The following STXBP5L variants were observed in gnomAD, a reference collection of about 807,000 sequenced individuals.
STXBP5L encodes the protein syntaxin binding protein 5L, also known as syntaxin-binding protein 5-like.
A neutral mutation model predicts 144.5 loss-of-function variants in STXBP5L; 65 were observed. The observed-to-expected ratio is 0.45, with a 90% CI of 0.37 to 0.55. The LOEUF is 0.55. Ranked by LOEUF, STXBP5L falls within the 20% of genes least tolerant of loss-of-function variation. The pLI, the probability that STXBP5L is intolerant of heterozygous loss-of-function variation, is 0.00. For synonymous variants in STXBP5L, 505 were observed against 469.6 expected, an observed-to-expected ratio of 1.08 and a Z score of -0.97; for missense variants, 1,298 against 1,405.5, an observed-to-expected ratio of 0.92 and a Z score of 1.22.
At chr3:121,140,636 CAGAA>C (rs2045457534) in intron 7 of STXBP5L, among the ~76,000 whole-genome samples, 3 of 152,036 alleles carry the variant, frequency 2.0e-5, no homozygotes, top group South Asian at 2.1e-4. Flanking sequence ...AAGCCAGAAA[CAGAA>C]AGACAAATTC....
chr3:121,041,179 C>T (rs909710204), intron 3 of STXBP5L, among the ~76,000 whole-genome samples: 21 of 150,184 alleles, frequency 1.4e-4, no homozygotes, highest in African/African-American at 5.1e-4. Context: ...CGTTTTTTTA[C>T]CTTATCATGT....
chr3:121,387,717 T>C (rs1044665090), intron 22 of STXBP5L, among the ~76,000 whole-genome samples: 6 of 152,190 alleles, frequency 3.9e-5, no homozygotes, highest in African/African-American at 1.2e-4. Flanking sequence ...ATGGTGTAGA[T>C]GTGTGATGTT....
rs10717806 is a variant in STXBP5L, at chr3:121,194,909, C to CTTTTTTTTT, written c.878-10997_878-10989dup. Among the ~76,000 whole-genome samples the CTTTTTTTTT allele has an allele frequency of 5.0e-4, 34 of 68,490 alleles. 1 individual carries two copies. The highest frequency in any genetic ancestry group is 6.9e-4 in the Admixed American group (3 of 4,348). The allele number at this position is 68,490 out of a possible 152,430, so 44.9% of individuals were successfully genotyped here. A position where few individuals can be genotyped will look rare whatever the true frequency, so the allele number is the denominator to read the frequency against. ...TCTGAGATAGGTCCCTCTTTTCACT[C>CTTTTTTTTT]TTTTTTTTTTTTTTTTTTTTTTTTT... is the stretch of plus-strand genomic sequence containing the variant. On this transcript the variant is annotated intron_variant, in intron 9 of 26. Coordinates refer to ENST00000471454, the MANE Select transcript of STXBP5L (RefSeq NM_001308330.2).
chr3:120,972,315 T>C (rs1940364992), intron 3 of STXBP5L, among the ~76,000 whole-genome samples: 1 of 152,144 alleles, frequency 6.6e-6, no homozygotes, highest in Admixed American at 6.6e-5. Flanking sequence ...TTTCTAGATA[T>C]ACATTTTTCT....
chr3:121,127,545 T>A (rs1375656905), intron 7 of STXBP5L, among the ~76,000 whole-genome samples: 1 of 151,710 alleles, frequency 6.6e-6, no homozygotes, highest in Non-Finnish European at 1.5e-5. Flanking sequence ...ATCTTCTCTA[T>A]GTCTTCTCCT....
intron 10 of STXBP5L, among the ~76,000 whole-genome samples, chr3:121,222,101 T>TA (rs1453708114): frequency 6.6e-6 from 1 of 152,040 alleles, no homozygotes; most frequent in Admixed American, 6.6e-5. Flanking sequence ...TCTAGGTCTT[T>TA]AAAAAAATTA....
chr3:121,036,083 A>G (rs1201564347), intron 3 of STXBP5L, among the ~76,000 whole-genome samples: 1 of 152,138 alleles, frequency 6.6e-6, no homozygotes, highest in Non-Finnish European at 1.5e-5. Context: ...ACTGTAATCC[A>G]GCACTTTGGG....
At chr3:121,195,673 A>C (rs2047892069) in intron 9 of STXBP5L, among the ~76,000 whole-genome samples, 1 of 152,180 alleles carries the variant, frequency 6.6e-6, no homozygotes, top group Admixed American at 6.6e-5. Context: ...TGCTTTAGTA[A>C]ACTAATAGAT....
intron 5 of STXBP5L, among the ~76,000 whole-genome samples, chr3:121,084,503 G>A (rs902658716): frequency 5.3e-5 from 8 of 151,994 alleles, no homozygotes; most frequent in African/African-American, 1.7e-4. Flanking sequence ...TAATGGCTTC[G>A]AGCTCCATCC....
intron 19 of STXBP5L, among the ~76,000 whole-genome samples, chr3:121,304,417 A>T (rs908299213): frequency 2.6e-5 from 4 of 152,154 alleles, no homozygotes; most frequent in Non-Finnish European, 5.9e-5. Flanking sequence ...GCAATTGAAA[A>T]TACAAATTAT....
intron 9 of STXBP5L, among the ~76,000 whole-genome samples, chr3:121,164,235 G>A (rs560664650): frequency 2.6e-5 from 4 of 152,108 alleles, no homozygotes; most frequent in East Asian, 1.9e-4. Context: ...TGGCCAACAC[G>A]TATGTAAAAA....
In STXBP5L at chr3:121,257,287, A is replaced by G; in HGVS notation, c.1786A>G (p.Thr596Ala). The G allele has an allele frequency of 2.5e-6, 4 of 1,613,614 alleles. No homozygotes were observed. The highest frequency in any genetic ancestry group is 3.4e-6 in the Non-Finnish European group (4 of 1,179,658). Residue 596 changes from threonine to alanine, a missense_variant, in exon 17 of 27, where the codon ACT becomes GCT. Physicochemically the swap from Thr to Ala is moderately conservative, Grantham distance 58. Coordinates refer to ENST00000471454, the MANE Select transcript of STXBP5L (RefSeq NM_001308330.2). ...AAGGAGTCTTTCTGGGAGCACTAAC[A>G]CTGTTGCTAGTGAAGGAGTAACAAA... Reference protein sequence around the residue: ...SSRSLSGSTNTVASEGVTKDS... With the variant: ...SSRSLSGSTNAVASEGVTKDS...
intron 19 of STXBP5L, among the ~76,000 whole-genome samples, chr3:121,310,395 G>A (rs1339609362): frequency 6.6e-6 from 1 of 152,080 alleles, no homozygotes; most frequent in Admixed American, 6.5e-5. Context: ...TGGATCACGA[G>A]GTCAGGAGAT....
chr3:121,165,692 C>T (rs924966421), intron 9 of STXBP5L, among the ~76,000 whole-genome samples: 3 of 152,162 alleles, frequency 2.0e-5, no homozygotes, highest in African/African-American at 7.2e-5. Flanking sequence ...GAGAGTCCTG[C>T]TAACAGGCTT....
intron 2 of STXBP5L, among the ~76,000 whole-genome samples, chr3:120,928,319 G>A (rs961112975): frequency 3.3e-5 from 5 of 151,982 alleles, no homozygotes; most frequent in Non-Finnish European, 4.4e-5. Flanking sequence ...CTGGAGTGCA[G>A]TGGCGAAATC....
chr3:121,292,205 T>A lies in STXBP5L; in HGVS notation c.2110+12249T>A, dbSNP rs542317594. 3.6e-4 allele frequency among the ~76,000 whole-genome samples: 55 copies of A among 151,768 alleles called. No individual in the cohort carries two copies. In the South Asian group the frequency reaches 0.01, roughly 28 times the overall value. ...GAACTCAAATCAGCCAGAAAAAAAA[T>A]CAAATAATCCCATCAAAAAGTGAGT... On this transcript the variant is annotated intron_variant, in intron 19 of 26. Transcript: ENST00000471454.
intron 9 of STXBP5L, among the ~76,000 whole-genome samples, chr3:121,174,384 A>C (rs535142540): frequency 8.5e-5 from 13 of 152,214 alleles, no homozygotes; most frequent in African/African-American, 3.1e-4. Flanking sequence ...TTTAGGCTAA[A>C]GCTGTTTGTC....
At chr3:121,301,831 T>C (rs2108491703) in intron 19 of STXBP5L, among the ~76,000 whole-genome samples, 1 of 152,310 alleles carries the variant, frequency 6.6e-6, no homozygotes, top group Non-Finnish European at 1.5e-5. Context: ...TGGTTCTGTT[T>C]ATATGCTGGA....
chr3:121,199,830 A>G (rs970277733), intron 9 of STXBP5L, among the ~76,000 whole-genome samples: 6 of 151,714 alleles, frequency 4.0e-5, no homozygotes, highest in Admixed American at 2.6e-4. Flanking sequence ...CCAGGGGTGA[A>G]GTCGACTTGA....
Sources: gnomAD v4.1 joint callset for allele counts (sites outside exome capture counted in the v4.1 genomes callset) on GRCh38, gnomAD v4.1.1 for gene constraint, MANE v1.5 for transcripts, NCBI Gene and HGNC (gene_info 2026-07-23, HGNC 2026-07-21) for gene names.